NLRC5: variants seen among roughly 807,000 people sequenced by gnomAD.
NLRC5 encodes the protein NLR family CARD domain containing 5.
A neutral mutation model predicts 206.9 loss-of-function variants in NLRC5; 114 were observed. The observed-to-expected ratio is 0.55, with a 90% CI of 0.47 to 0.64. The LOEUF (loss-of-function observed/expected upper bound fraction) is 0.64. NLRC5 is among the 30% of genes least tolerant of loss of function. NLRC5 has a pLI of 0.00. For missense variants in NLRC5, 2,008 were observed against 2,305.5 expected, an observed-to-expected ratio of 0.87 and a Z score of 2.64; for synonymous variants, 952 against 962.8, an observed-to-expected ratio of 0.99 and a Z score of 0.21.
chr16:57,065,794 T>G lies in NLRC5; in HGVS notation c.4241+496T>G, dbSNP rs2067015584. On this transcript the variant is annotated intron_variant, in intron 33 of 48. Transcript: ENST00000688547. ...GTCTAATTACGGCCCTTTGCAGGGCTGGGAGGATTACAAGAACTGGAGCCT... is the reference window on the plus strand; with the variant it reads ...GTCTAATTACGGCCCTTTGCAGGGCGGGGAGGATTACAAGAACTGGAGCCT... Among the ~76,000 whole-genome samples the G allele has an allele frequency of 2.0e-5, 3 of 152,222 alleles. No homozygotes were observed. The South Asian group carries it at 6.2e-4, about 32-fold the overall frequency.
At position 57,047,543 on chromosome 16, in the gene NLRC5, A is replaced by G. The variant is rs1389273509; in HGVS notation, c.3339-2A>G. The G allele has an allele frequency of 2.5e-6, 4 of 1,611,058 alleles. No homozygotes were observed. Among genetic ancestry groups the G allele is most frequent in the Non-Finnish European group, 3.4e-6 (4 of 1,178,866 alleles). ...CCTGCCCTGCCCATTGCCCCTTTGC[A>G]GCCTCAGTGAGTGTCCTCTGGAGCC... On this transcript the variant is annotated splice_acceptor_variant, in intron 22 of 48. Transcript: ENST00000688547. LOFTEE classifies it high-confidence loss of function.
chr16:57,032,821 C>G (rs1273948747), intron 11 of NLRC5, among the ~76,000 whole-genome samples: 1 of 137,206 alleles, frequency 7.3e-6, no homozygotes, highest in Admixed American at 7.8e-5. Context: ...CAAAGTGAGA[C>G]CCCCATCTCT....
intron 33 of NLRC5, among the ~76,000 whole-genome samples, chr16:57,065,640 G>GAC (rs2066999554): frequency 6.6e-6 from 1 of 152,146 alleles, no homozygotes; most frequent in South Asian, 2.1e-4. Flanking sequence ...ATAACACAAT[G>GAC]ACACACAGAG....
chr16:57,074,595 T>C lies in NLRC5; in HGVS notation c.4668-5T>C. 1 of 1,613,696 alleles carries C rather than the reference T, an allele frequency of 6.2e-7. No individual in the cohort carries two copies. The highest frequency in any genetic ancestry group is 2.2e-5 in the East Asian group (1 of 44,870). On this transcript the variant is annotated splice_polypyrimidine_tract_variant and splice_region_variant and intron_variant, in intron 38 of 48. Coordinates refer to ENST00000688547, the MANE Select transcript of NLRC5 (RefSeq NM_001384950.1). ...GTCAAGTTCACCTGGCCTCCTCTTC[T>C]CCAGCCTCAGTCACCTTCTGCTGAA... is the stretch of plus-strand genomic sequence containing the variant.
intron 22 of NLRC5, 142 bp downstream of exon 22, chr16:57,046,783 G>T: frequency 1.4e-6 from 1 of 695,848 alleles, no homozygotes; most frequent in Non-Finnish European, 2.4e-6. Context: ...AGAAAGAGGC[G>T]TGGGTGTGAG....
rs373224919 is a variant in NLRC5, at chr16:57,066,462, G to A, written c.4242-72G>A. The A allele has an allele frequency of 7.3e-4, 971 of 1,328,770 alleles. 9 individuals are homozygous for A. The African/African-American group carries it at 0.013, about 18-fold the overall frequency. 82.3% of individuals were successfully genotyped at this position (1,328,770 alleles called of 1,614,324 possible). A position where few individuals can be genotyped will look rare whatever the true frequency, so the allele number is the denominator to read the frequency against. ...AGTGAGAGTTCAGAGTTGGAGCCGG[G>A]CAGCCCAGGTGCCAGCTAGGCCCTC... On this transcript the variant is annotated intron_variant, in intron 33 of 48. Coordinates refer to ENST00000688547, the MANE Select transcript of NLRC5 (RefSeq NM_001384950.1).
At chr16:57,044,232 G>A (rs934606396) in intron 20 of NLRC5, among the ~76,000 whole-genome samples, 9 of 151,834 alleles carry the variant, frequency 5.9e-5, no homozygotes, top group Non-Finnish European at 1.3e-4. Flanking sequence ...TTGAACCCAG[G>A]AGGCGAAGGT....
chr16:57,073,419 C>T (rs1039546308), intron 38 of NLRC5, among the ~76,000 whole-genome samples: 1 of 152,136 alleles, frequency 6.6e-6, no homozygotes, highest in Non-Finnish European at 1.5e-5. Flanking sequence ...TGGGTAGGAG[C>T]ATGGACCCTA....
chr16:57,054,209 C>A (rs1190032342), intron 24 of NLRC5, among the ~76,000 whole-genome samples: 1 of 151,936 alleles, frequency 6.6e-6, no homozygotes, highest in African/African-American at 2.4e-5. Context: ...CTACTGGCAT[C>A]GAATGAATAG....
intron 17 of NLRC5, 119 bp downstream of exon 17, chr16:57,040,837 T>A (rs557725388): frequency 1.2e-4 from 110 of 949,774 alleles, no homozygotes; most frequent in Non-Finnish European, 1.8e-4. Context: ...CCTGACCTGC[T>A]GTGTCCAGGG....
intron 1 of NLRC5, among the ~76,000 whole-genome samples, chr16:56,998,922 C>T (rs566752862): frequency 5.5e-4 from 84 of 152,324 alleles, no homozygotes; most frequent in African/African-American, 1.9e-3. Flanking sequence ...TGTGTCTTAG[C>T]CCATTGGGGC....
At chr16:57,030,782 G>T (rs1446741155) in intron 10 of NLRC5, among the ~76,000 whole-genome samples, 1 of 152,160 alleles carries the variant, frequency 6.6e-6, no homozygotes, top group African/African-American at 2.4e-5. Context: ...GGGTAGGTTA[G>T]GTGTCATTTT....
chr16:57,006,413 C>G (rs376977316), intron 1 of NLRC5, among the ~76,000 whole-genome samples: 1 of 90,818 alleles, frequency 1.1e-5, no homozygotes, highest in Non-Finnish European at 2.1e-5. Flanking sequence ...TCTTCATCCT[C>G]TTTTTTTTTT....
At chr16:57,059,606 C>A in intron 30 of NLRC5, 74 bp downstream of exon 30, 1 of 1,382,742 alleles carries the variant, frequency 7.2e-7, no homozygotes, top group Non-Finnish European at 9.7e-7. Context: ...CCTCCATGGC[C>A]CCCTCTTCCC....
intron 20 of NLRC5, 200 bp downstream of exon 20, chr16:57,043,804 G>T: frequency 8.3e-6 from 5 of 600,708 alleles, no homozygotes; most frequent in Non-Finnish European, 1.2e-5. Context: ...ATGGCCTCAC[G>T]GATGCTCAAA....
chr16:57,058,992 C>A lies in NLRC5; in HGVS notation c.3851C>A (p.Ser1284Tyr), dbSNP rs761028345. The stretch of plus-strand genomic sequence containing the variant: ...TCTAGTCTGAGTCACAACAGCATTT[C>A]TCAGGAAAGTGCCCTGTACCTGCTG... ...GLLDLSHNSISQESALYLLET... is the reference protein window; with the variant it reads ...GLLDLSHNSIYQESALYLLET... Residue 1284 changes from serine (S) to tyrosine (Y), a missense_variant, in exon 29 of 49, where the codon TCT becomes TAT. Coordinates refer to ENST00000688547, the MANE Select transcript of NLRC5 (RefSeq NM_001384950.1). 6.2e-7 allele frequency: 1 copy of A among 1,614,182 alleles called. No individual in the cohort carries two copies. The highest frequency in any genetic ancestry group is 8.5e-7 in the Non-Finnish European group (1 of 1,180,010).
intron 1 of NLRC5, among the ~76,000 whole-genome samples, chr16:56,994,088 T>C (rs376447086): frequency 4.0e-5 from 6 of 151,512 alleles, no homozygotes; most frequent in African/African-American, 1.5e-4. Context: ...CTGGAACCTG[T>C]GTGCAAAATG....
Position 57,020,882 on chromosome 16 carries a change from A to T in NLRC5, c.170A>T (p.Gln57Leu). The change falls in exon 3 of 49, where the codon CAA (glutamine) becomes CTA (leucine). Residue 57 changes from glutamine (Q) to leucine (L), a missense_variant. By Grantham distance (113) the Gln-to-Leu change is moderately radical (BLOSUM62 -2). Coordinates refer to ENST00000688547, the MANE Select transcript of NLRC5 (RefSeq NM_001384950.1). Reference sequence around the variant, plus strand: ...GACCCTGAACAGAGAGTCATCCTGCAACTCAACAAGCTGCATGTCCAGGGT... The same window carrying T: ...GACCCTGAACAGAGAGTCATCCTGCTACTCAACAAGCTGCATGTCCAGGGT... ...TLDPEQRVIL[Q>L]LNKLHVQGSD... is the part of the protein sequence containing the mutation. 1 of 1,613,842 alleles carries T rather than the reference A, an allele frequency of 6.2e-7. No homozygotes were observed. The highest frequency in any genetic ancestry group is 8.5e-7 in the Non-Finnish European group (1 of 1,179,962).
intron 24 of NLRC5, 141 bp downstream of exon 24, chr16:57,051,762 T>C (rs2064945708): frequency 3.2e-6 from 2 of 627,882 alleles, no homozygotes; most frequent in South Asian, 1.9e-5. Context: ...CTCCATTCTT[T>C]CCTTAGGTTG....
Sources: allele counts gnomAD v4.1 joint callset (sites outside exome capture counted in the v4.1 genomes callset), GRCh38; gene constraint gnomAD v4.1.1; transcripts MANE v1.5; gene names NCBI Gene and HGNC (gene_info 2026-07-23, HGNC 2026-07-21).